The following SGK1 variants were observed in gnomAD, a reference collection of about 807,000 sequenced individuals.
The protein encoded by SGK1 is serum/glucocorticoid regulated kinase 1.
Under a neutral mutation model 64.2 loss-of-function variants are expected in SGK1, and 26 were observed. The ratio of observed to expected loss-of-function variants is 0.40; its 90% CI spans 0.30 to 0.56. The LOEUF is 0.56. SGK1 is among the 20% of genes least tolerant of loss of function. SGK1 has a pLI of 0.38. For missense variants in SGK1, 519 were observed against 645.6 expected (o/e 0.80, Z 2.12); for synonymous variants, 265 against 239.7 (o/e 1.11, Z -0.98).
At chr6:134,279,431 A>AAAATAAGTAAATAAATAAAT (rs1554226861) in intron 1 of SGK1, among the ~76,000 whole-genome samples, 2 of 148,036 alleles carry the variant, frequency 1.4e-5, no homozygotes, top group Admixed American at 6.8e-5. Context: ...ATCCTGTCTC[A>AAAATAAGTAAATAAATAAAT]AAATAAATAA....
At chr6:134,266,173 C>T (rs902595339) in intron 1 of SGK1, among the ~76,000 whole-genome samples, 42 of 151,492 alleles carry the variant, frequency 2.8e-4, no homozygotes, top group Non-Finnish European at 4.3e-4. Context: ...TTAGTAGAGA[C>T]GGGGTTTTGC....
chr6:134,225,171 G>GA (rs1776152036), intron 2 of SGK1, among the ~76,000 whole-genome samples: 1 of 151,626 alleles, frequency 6.6e-6, no homozygotes. Flanking sequence ...CCAACATGGT[G>GA]AAACGCTGTC....
At chr6:134,274,787 GTCTTTTCTTTTCTTTTCTTT>G (rs142632426) in intron 1 of SGK1, among the ~76,000 whole-genome samples, 1 of 149,994 alleles carries the variant, frequency 6.7e-6, no homozygotes, top group East Asian at 2.0e-4. Flanking sequence ...TGCCCTTTTA[GTCTTTTCTTTTCTTTTCTTT>G]TCTTTTCTTT....
intron 2 of SGK1, among the ~76,000 whole-genome samples, chr6:134,211,249 A>G (rs1306746618): frequency 6.6e-6 from 1 of 152,222 alleles, no homozygotes; most frequent in South Asian, 2.1e-4. Context: ...AAGACATTTG[A>G]TACATAAATA....
chr6:134,234,066 C>A (rs1776328412), intron 2 of SGK1, among the ~76,000 whole-genome samples: 1 of 152,118 alleles, frequency 6.6e-6, no homozygotes, highest in Admixed American at 6.5e-5. Flanking sequence ...CAAATTTAAG[C>A]AAGAAAAAAT....
At chr6:134,198,724 C>CTTT (rs1459010325) in intron 3 of SGK1, among the ~76,000 whole-genome samples, 1 of 65,946 alleles carries the variant, frequency 1.5e-5, no homozygotes, top group African/African-American at 5.1e-5. Flanking sequence ...TTCTCTTTTT[C>CTTT]TATTTTTTTT....
intron 2 of SGK1, among the ~76,000 whole-genome samples, chr6:134,221,652 AT>A (rs200019836): frequency 1.3e-3 from 181 of 143,798 alleles, no homozygotes; most frequent in Middle Eastern, 3.6e-3. Context: ...GGCACATATA[AT>A]TTTTTTTTTT....
At chr6:134,218,440 T>TC (rs1373413539) in intron 2 of SGK1, among the ~76,000 whole-genome samples, 121 of 147,786 alleles carry the variant, frequency 8.2e-4, no homozygotes, top group African/African-American at 2.9e-3. Context: ...TTTTTTTCTT[T>TC]TTTTTTTTTT....
At chr6:134,216,549 A>T (rs1020084383) in intron 2 of SGK1, among the ~76,000 whole-genome samples, 1 of 152,212 alleles carries the variant, frequency 6.6e-6, no homozygotes, top group Non-Finnish European at 1.5e-5. Flanking sequence ...GGCTTATCAC[A>T]TTCAACAGTA....
chr6:134,286,993 T>C (rs928234715), intron 1 of SGK1, among the ~76,000 whole-genome samples: 5 of 152,104 alleles, frequency 3.3e-5, no homozygotes, highest in African/African-American at 1.2e-4. Flanking sequence ...TGGAGAAGTC[T>C]TTTTTTGTTT....
intron 2 of SGK1, among the ~76,000 whole-genome samples, chr6:134,258,700 C>A (rs914923115): frequency 6.6e-6 from 1 of 152,066 alleles, no homozygotes; most frequent in Non-Finnish European, 1.5e-5. Flanking sequence ...GGGCGAGACT[C>A]CATCTCAAAA....
chr6:134,316,384 G>A (rs1777684747), intron 1 of SGK1, among the ~76,000 whole-genome samples: 1 of 152,180 alleles, frequency 6.6e-6, no homozygotes, highest in African/African-American at 2.4e-5. Context: ...CATTTTGGTG[G>A]AATTGCCCTA....
At chr6:134,295,067 T>C (rs533120035) in intron 1 of SGK1, among the ~76,000 whole-genome samples, 6 of 152,010 alleles carry the variant, frequency 3.9e-5, no homozygotes, top group Non-Finnish European at 7.4e-5. Flanking sequence ...TGAAAATGAA[T>C]ATGTAATTTT....
chr6:134,254,831 T>C (rs868687019), intron 2 of SGK1, among the ~76,000 whole-genome samples: 1 of 152,216 alleles, frequency 6.6e-6, no homozygotes, highest in Middle Eastern at 3.2e-3. Flanking sequence ...TTTTCTAGCA[T>C]AATATACCAT....
chr6:134,200,178 G>A (rs1480559479), intron 3 of SGK1, among the ~76,000 whole-genome samples: 1 of 152,168 alleles, frequency 6.6e-6, no homozygotes, highest in Non-Finnish European at 1.5e-5. Flanking sequence ...ACCTAAACTT[G>A]TGCAGCCTGT....
intron 2 of SGK1, among the ~76,000 whole-genome samples, chr6:134,250,298 A>C (rs1051755814): frequency 6.6e-6 from 1 of 152,238 alleles, no homozygotes; most frequent in Non-Finnish European, 1.5e-5. Context: ...TCTGCTACTC[A>C]AGGTCGATAA....
chr6:134,267,036 A>G (rs144615593), intron 1 of SGK1, among the ~76,000 whole-genome samples: 223 of 152,286 alleles, frequency 1.5e-3, no homozygotes, highest in African/African-American at 5.1e-3. Context: ...CAGGATTTAA[A>G]CAGATGATAA....
chr6:134,292,189 CAAAG>C (rs1777276929), intron 1 of SGK1, among the ~76,000 whole-genome samples: 2 of 152,062 alleles, frequency 1.3e-5, no homozygotes, highest in Non-Finnish European at 2.9e-5. Context: ...ATTTTATAGA[CAAAG>C]AAAGTGAGAC....
At chr6:134,304,410 G>C (rs964716797) in intron 1 of SGK1, among the ~76,000 whole-genome samples, 13 of 152,190 alleles carry the variant, frequency 8.5e-5, no homozygotes, top group African/African-American at 3.1e-4. Context: ...CCAGCACTTT[G>C]GGAGGCTGAG....
Sources: allele counts gnomAD v4.1 joint callset (sites outside exome capture counted in the v4.1 genomes callset), GRCh38; gene constraint gnomAD v4.1.1; transcripts MANE v1.5; gene names NCBI Gene and HGNC (gene_info 2026-07-23, HGNC 2026-07-21).